The following MYO16 variants were observed in gnomAD, a reference collection of about 807,000 sequenced individuals.
The protein encoded by MYO16 is unconventional myosin-XVI.
Under a neutral mutation model 205.3 loss-of-function variants are expected in MYO16, and 94 were observed. The observed-to-expected ratio is 0.46, with a 90% CI of 0.39 to 0.54. The LOEUF (loss-of-function observed/expected upper bound fraction) is 0.54. MYO16 is among the 20% of genes least tolerant of loss of function. The pLI, the probability that MYO16 is intolerant of heterozygous loss-of-function variation, is 0.00. For missense variants in MYO16, 2,315 were observed against 2,387.5 expected (o/e 0.97, Z 0.63); for synonymous variants, 988 against 954.0 (o/e 1.04, Z -0.66).
At chr13:108,532,411 G>C in the MYO16 span, among the ~76,000 whole-genome samples, 1 of 151,252 alleles carries the variant, frequency 6.6e-6, no homozygotes, top group Non-Finnish European at 1.5e-5. Context: ...AGAAAAAGAG[G>C]GATGAGGAGT....
rs544301107 is a variant in MYO16, at chr13:108,836,844, A to G, written c.1098-7499A>G. ...CAATGCCTGTACCCCTAGTGTATCT[A>G]GGAAGTAACTAACTTGCTTTCAAAT... is the stretch of plus-strand genomic sequence containing the variant. On this transcript the variant is annotated intron_variant, in intron 9 of 34. Coordinates refer to ENST00000457511, the MANE Select transcript of MYO16 (RefSeq NM_001198950.3). Among the ~76,000 whole-genome samples, 14 of 152,280 alleles carry G rather than the reference A, an allele frequency of 9.2e-5. No homozygotes were observed. In the East Asian group the frequency reaches 2.7e-3, roughly 29 times the overall value.
intron 4 of MYO16, among the ~76,000 whole-genome samples, chr13:108,757,511 G>A (rs1313520446): frequency 6.6e-6 from 1 of 151,846 alleles, no homozygotes; most frequent in Non-Finnish European, 1.5e-5. Flanking sequence ...TAAGTTTTAG[G>A]GTACATGTAC....
At chr13:108,805,250 C>A (rs1241473434) in intron 6 of MYO16, among the ~76,000 whole-genome samples, 5 of 152,042 alleles carry the variant, frequency 3.3e-5, no homozygotes, top group Admixed American at 3.3e-4. Flanking sequence ...AAGATTAATT[C>A]TGTATGTAGC....
At chr13:108,984,426 C>T (rs192250103) in intron 20 of MYO16, among the ~76,000 whole-genome samples, 516 of 152,270 alleles carry the variant, frequency 3.4e-3, no homozygotes, top group African/African-American at 0.012. Flanking sequence ...ATACATTTGC[C>T]GTGGCTTTCT....
chr13:109,001,844 TA>T (rs145775916), intron 21 of MYO16, among the ~76,000 whole-genome samples: 13,784 of 152,192 alleles, frequency 0.091, 694 homozygotes, highest in Middle Eastern at 0.11. Context: ...CAACAGCTAT[TA>T]AAGTCTCACA....
At chr13:108,802,460 A>T (rs1344182779) in intron 6 of MYO16, among the ~76,000 whole-genome samples, 2 of 152,224 alleles carry the variant, frequency 1.3e-5, no homozygotes, top group East Asian at 3.9e-4. Flanking sequence ...CATTATGTAT[A>T]TATGCTACAT....
At chr13:108,688,966 TA>T (rs1445101999) in intron 2 of MYO16, among the ~76,000 whole-genome samples, 1 of 152,212 alleles carries the variant, frequency 6.6e-6, no homozygotes, top group Non-Finnish European at 1.5e-5. Context: ...TGACAACAGC[TA>T]AATAATTGTT....
intron 4 of MYO16, among the ~76,000 whole-genome samples, chr13:108,746,127 G>A (rs1039371858): frequency 1.3e-5 from 2 of 151,990 alleles, no homozygotes; most frequent in Non-Finnish European, 2.9e-5. Flanking sequence ...CGGGAGGTGG[G>A]GCTTGCAGTG....
intron 34 of MYO16, among the ~76,000 whole-genome samples, chr13:109,181,075 G>A (rs775628251): frequency 2.6e-5 from 4 of 152,236 alleles, no homozygotes; most frequent in Non-Finnish European, 5.9e-5. Context: ...TTGAAAGACG[G>A]TGTATATAGT....
chr13:108,697,138 T>C (rs1201204019), intron 2 of MYO16, among the ~76,000 whole-genome samples: 2 of 152,224 alleles, frequency 1.3e-5, no homozygotes, highest in East Asian at 3.9e-4. Flanking sequence ...CTCAGTGTTG[T>C]GTCTGTCCAT....
chr13:108,849,653 G>GTA (rs1877733922), intron 10 of MYO16, among the ~76,000 whole-genome samples: 1 of 137,736 alleles, frequency 7.3e-6, no homozygotes, highest in Non-Finnish European at 1.6e-5. Context: ...GTGTGTGTGT[G>GTA]TGTGTGTGTG....
chr13:108,943,526 C>T (rs763529859), intron 16 of MYO16, among the ~76,000 whole-genome samples: 5 of 152,010 alleles, frequency 3.3e-5, no homozygotes, highest in Admixed American at 6.6e-5. Context: ...GACACGATCT[C>T]GGCTCACTGC....
intron 20 of MYO16, among the ~76,000 whole-genome samples, chr13:108,975,752 A>G (rs1389807387): frequency 6.6e-6 from 1 of 152,176 alleles, no homozygotes; most frequent in Non-Finnish European, 1.5e-5. Flanking sequence ...TTTTAATGAA[A>G]AAAAGCAGCA....
In MYO16 at chr13:109,055,068, C is replaced by G. The variant is rs531809252; in HGVS notation, c.3071C>G (p.Ser1024Cys). The G allele has an allele frequency of 7.0e-6, 11 of 1,578,588 alleles. No homozygotes were observed. In the East Asian group the frequency reaches 1.8e-4, roughly 26 times the overall value. ...LSKLLKKKGT[S>C]TFLQRLERGD... ...CAGTTATTAAAAAAGAAAGGAACTT[C>G]TACATTTCTTCAAAGATTGGAACGA... Residue 1024 changes from serine (S) to cysteine (C), a missense_variant, in exon 26 of 35, where the codon TCT (serine) becomes TGT (cysteine). Ser to Cys is a moderately radical substitution (Grantham distance 112). Coordinates refer to ENST00000457511, the MANE Select transcript of MYO16 (RefSeq NM_001198950.3). This position sits in a 1 kb window ranked among gnomAD's most constrained non-coding sequence, Gnocchi z 5.0.
intron 6 of MYO16, among the ~76,000 whole-genome samples, chr13:108,804,803 T>C (rs1287858284): frequency 2.6e-5 from 4 of 152,150 alleles, no homozygotes; most frequent in Non-Finnish European, 5.9e-5. Context: ...TAGTAACACT[T>C]TGGATAGAGT....
chr13:108,497,690 T>C, the MYO16 span, among the ~76,000 whole-genome samples: 7,473 of 152,284 alleles, frequency 0.049, 198 homozygotes, highest in South Asian at 0.088. Context: ...TACATTAAAA[T>C]AGCTCAAATA....
At chr13:109,078,287 A>C (rs1231982029) in intron 27 of MYO16, among the ~76,000 whole-genome samples, 3 of 143,302 alleles carry the variant, frequency 2.1e-5, no homozygotes, top group Non-Finnish European at 4.6e-5. Context: ...AAAAAAAAAA[A>C]AAATTACTAG....
intron 16 of MYO16, among the ~76,000 whole-genome samples, chr13:108,919,573 G>A (rs1352883217): frequency 2.0e-5 from 3 of 152,132 alleles, no homozygotes; most frequent in Admixed American, 6.5e-5. Flanking sequence ...GAGTAAAGAT[G>A]TTTGCTTGAT....
At chr13:108,899,090 A>G (rs1034014087) in intron 15 of MYO16, among the ~76,000 whole-genome samples, 2 of 152,190 alleles carry the variant, frequency 1.3e-5, no homozygotes, top group Non-Finnish European at 2.9e-5. Context: ...CTATGTCAGA[A>G]TCAGTTTTCT....
Sources: gnomAD v4.1 joint callset for allele counts (sites outside exome capture counted in the v4.1 genomes callset) on GRCh38, gnomAD v4.1.1 for gene constraint, Gnocchi (gnomAD v3.1) non-coding constraint, MANE v1.5 for transcripts, NCBI Gene and HGNC (gene_info 2026-07-23, HGNC 2026-07-21) for gene names.